Variants in ACAP2 observed in about 807,000 individuals in gnomAD.
The protein encoded by ACAP2 is arf-GAP with coiled-coil, ANK repeat and PH domain-containing protein 2.
A neutral mutation model predicts 115.8 loss-of-function variants in ACAP2; 39 were observed. That is an observed-to-expected ratio of 0.34 (90% CI 0.26 to 0.44). The LOEUF (loss-of-function observed/expected upper bound fraction) is 0.44. Ranked by LOEUF, ACAP2 falls within the 20% of genes least tolerant of loss-of-function variation. The probability of loss-of-function intolerance (pLI) is 1.00; values close to 1 mark genes in which losing one functional copy is unlikely to be tolerated. For synonymous variants in ACAP2, 289 were observed against 315.8 expected, an observed-to-expected ratio of 0.92 and a Z score of 0.90; for missense variants, 662 against 927.6, an observed-to-expected ratio of 0.71 and a Z score of 3.72.
At chr3:195,318,999 G>A (rs1190456220) in intron 10 of ACAP2, among the ~76,000 whole-genome samples, 2 of 152,224 alleles carry the variant, frequency 1.3e-5, no homozygotes, top group Non-Finnish European at 2.9e-5. Flanking sequence ...CTGCTGCTCT[G>A]TGCAGCCTTG....
intron 4 of ACAP2, among the ~76,000 whole-genome samples, chr3:195,366,143 C>A (rs1732707477): frequency 6.6e-6 from 1 of 152,126 alleles, no homozygotes; most frequent in African/African-American, 2.4e-5. Context: ...CCATGTCTGG[C>A]CCTTCTACCT....
chr3:195,414,087 G>T (rs995995980), intron 1 of ACAP2, among the ~76,000 whole-genome samples: 1 of 152,104 alleles, frequency 6.6e-6, no homozygotes, highest in African/African-American at 2.4e-5. Context: ...TGTCGTTAGA[G>T]AATTGCAGAT....
At chr3:195,379,019 A>G (rs751458224) in intron 4 of ACAP2, among the ~76,000 whole-genome samples, 3 of 152,276 alleles carry the variant, frequency 2.0e-5, no homozygotes, top group Non-Finnish European at 4.4e-5. Context: ...TAAATTATAG[A>G]AAAAACATTT....
At chr3:195,424,915 TAAAAAAAAAAA>T (rs34038109) in intron 1 of ACAP2, among the ~76,000 whole-genome samples, 1,901 of 55,648 alleles carry the variant, frequency 0.034, 91 homozygotes, top group African/African-American at 0.13. Flanking sequence ...GACCCTGTCT[TAAAAAAAAAAA>T]AAAAAAAAAA....
intron 5 of ACAP2, among the ~76,000 whole-genome samples, chr3:195,343,966 G>C (rs1731035977): frequency 6.6e-6 from 1 of 152,154 alleles, no homozygotes; most frequent in Non-Finnish European, 1.5e-5. Flanking sequence ...CCAGTGCTTT[G>C]GGAGGTTAAG....
At chr3:195,419,127 A>G (rs1713970944) in intron 1 of ACAP2, among the ~76,000 whole-genome samples, 1 of 152,066 alleles carries the variant, frequency 6.6e-6, no homozygotes, top group Non-Finnish European at 1.5e-5. Context: ...GTACAATTCA[A>G]TAGTTTTTAA....
intron 9 of ACAP2, 33 bp from the exon 10 acceptor site, chr3:195,320,846 G>A (rs1466120035): frequency 1.4e-6 from 2 of 1,466,758 alleles, no homozygotes; most frequent in Admixed American, 1.7e-5. Context: ...AAGTTCATAT[G>A]ACTTGACTAA....
rs190150200 is a variant in ACAP2, at chr3:195,349,294, C to A, written c.286-3977G>T. Among the ~76,000 whole-genome samples the A allele has an allele frequency of 2.6e-5, 4 of 152,138 alleles. No individual in the cohort carries two copies. In the East Asian group the frequency reaches 7.8e-4, roughly 29 times the overall value. ...GTCGGGAGTTTGAGACCAGCCTGAC[C>A]AACAGGGAGAAACCCCGTCTCTACT... On this transcript the variant is annotated intron_variant, in intron 4 of 22. Coordinates refer to ENST00000326793, the MANE Select transcript of ACAP2 (RefSeq NM_012287.6).
chr3:195,376,191 C>T (rs936812869), intron 4 of ACAP2, among the ~76,000 whole-genome samples: 3 of 151,968 alleles, frequency 2.0e-5, no homozygotes, highest in African/African-American at 4.8e-5. Context: ...GTCAGGAGTT[C>T]GACACCAGCC....
intron 4 of ACAP2, among the ~76,000 whole-genome samples, chr3:195,352,314 A>AGATTT (rs1731667026): frequency 2.0e-5 from 3 of 152,238 alleles, no homozygotes; most frequent in Non-Finnish European, 2.9e-5. Context: ...TGATACTCAC[A>AGATTT]CAATGAAGAA....
chr3:195,359,673 T>C (rs1577354809), intron 4 of ACAP2, among the ~76,000 whole-genome samples: 1 of 152,170 alleles, frequency 6.6e-6, no homozygotes, highest in East Asian at 1.9e-4. Flanking sequence ...TTCACCGTGT[T>C]AGCCAGGATG....
Position 195,327,085 on chromosome 3 carries a change from T to G in ACAP2, c.670-126A>C, listed in dbSNP as rs1052181415. 2.4e-5 allele frequency: 22 copies of G among 930,604 alleles called. No homozygotes were observed. In the South Asian group the frequency reaches 3.8e-4, roughly 16 times the overall value. The allele number at this position is 930,604 out of a possible 1,614,324, so 57.6% of individuals were successfully genotyped here. A position where few individuals can be genotyped will look rare whatever the true frequency, so the allele number is the denominator to read the frequency against. ...CAATTTAAGCTGATTTAATAAAGTT[T>G]TGGCTAAATTTTGAAGTAGAAGTTC... On this transcript the variant is annotated intron_variant, in intron 8 of 22. Transcript: ENST00000326793.
chr3:195,293,416 T>G (rs1029537236), intron 18 of ACAP2, among the ~76,000 whole-genome samples: 3 of 151,764 alleles, frequency 2.0e-5, no homozygotes, highest in African/African-American at 4.8e-5. Flanking sequence ...GGGGAGGGAG[T>G]TGCTGATCTC....
intron 1 of ACAP2, among the ~76,000 whole-genome samples, chr3:195,435,623 G>C (rs1009832749): frequency 6.6e-6 from 1 of 152,064 alleles, no homozygotes; most frequent in South Asian, 2.1e-4. Flanking sequence ...TGTTTACTTA[G>C]AAGTGTACTG....
intron 1 of ACAP2, among the ~76,000 whole-genome samples, chr3:195,408,445 CAG>C (rs1712973880): frequency 6.6e-6 from 1 of 152,082 alleles, no homozygotes. Flanking sequence ...GCCTGGGTGA[CAG>C]AGTGAGATCC....
chr3:195,397,843 T>C (rs1003277155), intron 1 of ACAP2, among the ~76,000 whole-genome samples: 1 of 152,206 alleles, frequency 6.6e-6, no homozygotes, highest in African/African-American at 2.4e-5. Context: ...TTTGTTTTCA[T>C]GTTATGGGGC....
At chr3:195,383,733 T>G (rs550000771) in intron 2 of ACAP2, among the ~76,000 whole-genome samples, 8 of 151,800 alleles carry the variant, frequency 5.3e-5, no homozygotes, top group Non-Finnish European at 7.4e-5. Flanking sequence ...AATATTAAGA[T>G]AAATCACAAA....
intron 10 of ACAP2, among the ~76,000 whole-genome samples, chr3:195,311,817 A>AGCTGGGATTACGCGG (rs1728790965): frequency 6.6e-6 from 1 of 152,130 alleles, no homozygotes; most frequent in Non-Finnish European, 1.5e-5. Context: ...GATTACAGGC[A>AGCTGGGATTACGCGG]TGAGCCACCG....
At chr3:195,304,391 A>C (rs1171564090) in intron 13 of ACAP2, among the ~76,000 whole-genome samples, 1 of 152,186 alleles carries the variant, frequency 6.6e-6, no homozygotes, top group Admixed American at 6.5e-5. Flanking sequence ...CTAAGTACAC[A>C]AACACAGCAA....
Sources: gnomAD v4.1 joint callset for allele counts (sites outside exome capture counted in the v4.1 genomes callset) on GRCh38, gnomAD v4.1.1 for gene constraint, MANE v1.5 for transcripts, NCBI Gene and HGNC (gene_info 2026-07-23, HGNC 2026-07-21) for gene names.